Variants in HNRNPC observed in about 807,000 individuals in gnomAD.
HNRNPC encodes heterogeneous nuclear ribonucleoproteins C1/C2.
A neutral mutation model predicts 33.2 loss-of-function variants in HNRNPC; 3 were observed. The ratio of observed to expected loss-of-function variants is 0.09; its 90% confidence interval spans 0.04 to 0.23. HNRNPC has a LOEUF of 0.23. Ranked by LOEUF, HNRNPC falls within the 10% of genes least tolerant of loss-of-function variation. The probability of loss-of-function intolerance (pLI) is 1.00; values close to 1 mark genes in which losing one functional copy is unlikely to be tolerated. For missense variants in HNRNPC, 143 were observed against 366.7 expected (o/e 0.39, Z 4.98); for synonymous variants, 121 against 126.7 (o/e 0.96, Z 0.30).
intron 5 of HNRNPC, among the ~76,000 whole-genome samples, chr14:21,215,495 C>A (rs567972558): frequency 6.6e-6 from 1 of 152,228 alleles, no homozygotes; most frequent in South Asian, 2.1e-4. Context: ...GGACTAAACC[C>A]TAGGAGAATT....
At chr14:21,249,369 G>GT (rs1399595074) in intron 2 of HNRNPC, among the ~76,000 whole-genome samples, 3 of 150,190 alleles carry the variant, frequency 2.0e-5, no homozygotes, top group Admixed American at 1.3e-4. Context: ...GAGGTCAGGA[G>GT]TTTGAGACCA....
chr14:21,247,440 T>C (rs1176330701), intron 2 of HNRNPC, among the ~76,000 whole-genome samples: 3 of 152,198 alleles, frequency 2.0e-5, no homozygotes, highest in Non-Finnish European at 4.4e-5. Flanking sequence ...TTTTGAACAA[T>C]AATAATTAGT....
chr14:21,246,265 A>AT lies in HNRNPC; in HGVS notation c.-36-12037dup, dbSNP rs1304428601. ...CCATCCTAGCCATCTATGAAAATAA[A>AT]TGATGCCTCAAAGGCTGGGCGCGGT... On this transcript the variant is annotated intron_variant, in intron 2 of 8. Coordinates refer to ENST00000553300, the MANE Select transcript of HNRNPC (RefSeq NM_004500.4). 2.6e-5 allele frequency among the ~76,000 whole-genome samples: 4 copies of AT among 152,264 alleles called. No homozygotes were observed. The East Asian group carries it at 7.7e-4, about 29-fold the overall frequency.
intron 1 of HNRNPC, chr14:21,268,758 T>G (rs1879442688): frequency 6.6e-6 from 1 of 152,236 alleles, no homozygotes; most frequent in South Asian, 2.1e-4. Context: ...TACTTCGAGC[T>G]CCATCATTTG....
chr14:21,256,610 A>C (rs982429718), intron 2 of HNRNPC, among the ~76,000 whole-genome samples: 1 of 152,166 alleles, frequency 6.6e-6, no homozygotes, highest in Non-Finnish European at 1.5e-5. Flanking sequence ...AAGTGTCGAC[A>C]GTATGAGTAG....
chr14:21,224,131 AC>A (rs1253468455), intron 5 of HNRNPC, among the ~76,000 whole-genome samples: 2 of 152,108 alleles, frequency 1.3e-5, no homozygotes, highest in African/African-American at 2.4e-5. Flanking sequence ...TTACTCAAAA[AC>A]ATCTGAAAAA....
Position 21,210,477 on chromosome 14 carries a change from TTTGTGGAGGACGC to T in HNRNPC, c.*733_*745del, listed in dbSNP as rs1312327678. On this transcript the variant is annotated 3_prime_UTR_variant, in exon 9 of 9. Coordinates refer to ENST00000553300, the MANE Select transcript of HNRNPC (RefSeq NM_004500.4). ...AATATATCTAGTGCATTCTAGAGGT[TTTGTGGAGGACGC>T]TGTAAAACAAAGTTTGAAGTAAACA... The T allele has an allele frequency of 1.3e-5, 2 of 152,500 alleles. No homozygotes were observed. Among genetic ancestry groups the T allele is most frequent in the African/African-American group, 4.8e-5 (2 of 41,412 alleles). The allele number at this position is 152,500 out of a possible 1,614,324, so 9.4% of individuals were successfully genotyped here.
Position 21,240,950 on chromosome 14 carries a change from T to C in HNRNPC, c.-36-6721A>G, listed in dbSNP as rs529510789. ...GATTTGGAAATTCAAAACCCTGCCTTACAATTTCCTTTATTACTGTATCTT... is the reference window on the plus strand; with the variant it reads ...GATTTGGAAATTCAAAACCCTGCCTCACAATTTCCTTTATTACTGTATCTT... On this transcript the variant is annotated intron_variant, in intron 2 of 8. Transcript: ENST00000553300. 2.0e-5 allele frequency among the ~76,000 whole-genome samples: 3 copies of C among 152,262 alleles called. No individual in the cohort carries two copies. In the East Asian group the frequency reaches 5.8e-4, roughly 29 times the overall value.
chr14:21,238,017 T>G (rs1156453576), intron 2 of HNRNPC, among the ~76,000 whole-genome samples: 1 of 152,188 alleles, frequency 6.6e-6, no homozygotes, highest in African/African-American at 2.4e-5. Context: ...GTGATCCGCC[T>G]GCCTCGGCCT....
Position 21,227,388 on chromosome 14 carries a change from C to A in HNRNPC, c.365+2931G>T, listed in dbSNP as rs554207383. Among the ~76,000 whole-genome samples the A allele has an allele frequency of 2.0e-5, 3 of 152,326 alleles. No individual in the cohort carries two copies. In the East Asian group the frequency reaches 5.8e-4, roughly 29 times the overall value. ...CTCTTTGCCAGCTATTACCTAGTTGCTCCACTAGTTATCAGTAATCATTAT... is the reference window on the plus strand; with the variant it reads ...CTCTTTGCCAGCTATTACCTAGTTGATCCACTAGTTATCAGTAATCATTAT... On this transcript the variant is annotated intron_variant, in intron 5 of 8. Coordinates refer to ENST00000553300, the MANE Select transcript of HNRNPC (RefSeq NM_004500.4).
intron 2 of HNRNPC, among the ~76,000 whole-genome samples, chr14:21,250,240 G>A (rs1203293660): frequency 8.6e-5 from 13 of 151,168 alleles, no homozygotes; most frequent in Non-Finnish European, 1.5e-4. Context: ...GCAACGGAGC[G>A]AGACTCCACT....
chr14:21,231,257 G>A (rs765211835), intron 3 of HNRNPC, 185 bp from the exon 4 acceptor site: 16 of 680,680 alleles, frequency 2.4e-5, no homozygotes, highest in Non-Finnish European at 3.2e-5. Flanking sequence ...CCTCAGCCTC[G>A]AGAGTAACTG....
At chr14:21,217,753 C>T (rs1892346689) in intron 5 of HNRNPC, among the ~76,000 whole-genome samples, 1 of 152,022 alleles carries the variant, frequency 6.6e-6, no homozygotes, top group South Asian at 2.1e-4. Context: ...TTGAAAATGG[C>T]TCCACGAAGA....
At chr14:21,220,215 TTC>T (rs1418857111) in intron 5 of HNRNPC, among the ~76,000 whole-genome samples, 4 of 151,688 alleles carry the variant, frequency 2.6e-5, no homozygotes, top group African/African-American at 7.3e-5. Flanking sequence ...CCAACCCCTT[TTC>T]TCTGAGGCCA....
chr14:21,233,853 A>G (rs1894382475), intron 3 of HNRNPC, 100 bp downstream of exon 3: 2 of 1,414,850 alleles, frequency 1.4e-6, no homozygotes, highest in South Asian at 1.3e-5. Context: ...AATATCCAGA[A>G]TATCTCATGC....
chr14:21,252,526 T>C (rs1185748628), intron 2 of HNRNPC, among the ~76,000 whole-genome samples: 1 of 152,222 alleles, frequency 6.6e-6, no homozygotes, highest in African/African-American at 2.4e-5. Context: ...TTGGCCAGGC[T>C]GGTCTCGAAC....
At chr14:21,220,368 C>T (rs1284719945) in intron 5 of HNRNPC, among the ~76,000 whole-genome samples, 1 of 151,712 alleles carries the variant, frequency 6.6e-6, no homozygotes, top group African/African-American at 2.4e-5. Flanking sequence ...CCTTGTACTA[C>T]AGGCGCCCAC....
rs1894052211 is a variant in HNRNPC, at chr14:21,230,984, TTC to T, written c.317+11_317+12del. 6.2e-7 allele frequency: 1 copy of T among 1,614,042 alleles called. No homozygotes were observed. Among genetic ancestry groups the T allele is most frequent in the South Asian group, 1.1e-5 (1 of 91,084 alleles). Reference sequence around the variant, plus strand: ...TGAGTAGAGGGGACGGAGAAGGGTGTTCTGTTACTGACCCGTACATCTCCGCT... The same window carrying T: ...TGAGTAGAGGGGACGGAGAAGGGTGTTGTTACTGACCCGTACATCTCCGCT... On this transcript the variant is annotated intron_variant, in intron 4 of 8. Transcript: ENST00000553300.
chr14:21,267,424 C>T (rs1879202992), intron 1 of HNRNPC, among the ~76,000 whole-genome samples: 1 of 152,082 alleles, frequency 6.6e-6, no homozygotes, highest in Non-Finnish European at 1.5e-5. Context: ...CCATTCCATC[C>T]AAAACAAGGT....
Sources: allele counts gnomAD v4.1 joint callset (sites outside exome capture counted in the v4.1 genomes callset), GRCh38; gene constraint gnomAD v4.1.1; transcripts MANE v1.5; gene names NCBI Gene and HGNC (gene_info 2026-07-23, HGNC 2026-07-21).